INVS: variants seen among roughly 807,000 people sequenced by gnomAD.
The protein encoded by INVS is inversion of embryo turning homolog.
A neutral mutation model predicts 108.8 loss-of-function variants in INVS; 86 were observed. The ratio of observed to expected loss-of-function variants is 0.79; its 90% CI spans 0.66 to 0.95. INVS has a LOEUF of 0.95. Ranked by LOEUF, INVS falls within the 40% of genes least tolerant of loss-of-function variation. INVS has a pLI of 0.00. For synonymous variants in INVS, 455 were observed against 473.5 expected (o/e 0.96, Z 0.51); for missense variants, 1,169 against 1,297.4 (o/e 0.90, Z 1.52).
chr9:100,288,438 A>C (rs1833511945), intron 13 of INVS, among the ~76,000 whole-genome samples: 1 of 152,004 alleles, frequency 6.6e-6, no homozygotes, highest in African/African-American at 2.4e-5. Flanking sequence ...ATCTGATTGG[A>C]TTCATTTCAT....
intron 3 of INVS, among the ~76,000 whole-genome samples, chr9:100,148,738 A>G (rs1334883705): frequency 6.6e-6 from 1 of 152,214 alleles, no homozygotes; most frequent in African/African-American, 2.4e-5. Context: ...AAGAATATAT[A>G]TTGTAAATCA....
chr9:100,295,359 G>A (rs1481672575), intron 14 of INVS, among the ~76,000 whole-genome samples: 4 of 152,192 alleles, frequency 2.6e-5, no homozygotes, highest in Admixed American at 6.5e-5. Flanking sequence ...GTGCAATTCT[G>A]AGGCCCAAAG....
intron 11 of INVS, among the ~76,000 whole-genome samples, chr9:100,272,437 T>A (rs958557643): frequency 6.6e-6 from 1 of 152,214 alleles, no homozygotes; most frequent in Non-Finnish European, 1.5e-5. Context: ...ATACTGAATT[T>A]CTCCTTTTGG....
chr9:100,253,329 T>C (rs1832302829), intron 10 of INVS, among the ~76,000 whole-genome samples, 193 bp downstream of exon 10: 1 of 152,142 alleles, frequency 6.6e-6, no homozygotes, highest in Admixed American at 6.6e-5. Flanking sequence ...ATAGTTATAA[T>C]ATAGGCTGGG....
At chr9:100,293,829 C>T (rs1174993886) in intron 14 of INVS, among the ~76,000 whole-genome samples, 1 of 152,152 alleles carries the variant, frequency 6.6e-6, no homozygotes, top group African/African-American at 2.4e-5. Context: ...TTAGGCCTTA[C>T]AGTGATGAAT....
chr9:100,225,823 G>A (rs1274091201), intron 3 of INVS, among the ~76,000 whole-genome samples: 1 of 151,860 alleles, frequency 6.6e-6, no homozygotes, highest in African/African-American at 2.4e-5. Flanking sequence ...TGTTTTATTT[G>A]CAATAAAATA....
chr9:100,267,594 A>G (rs1275773192), intron 11 of INVS, among the ~76,000 whole-genome samples: 1 of 152,248 alleles, frequency 6.6e-6, no homozygotes, highest in Non-Finnish European at 1.5e-5. Flanking sequence ...ACGTATAGAC[A>G]TAATTTTTGC....
chr9:100,288,707 G>T (rs1044486289), intron 13 of INVS, among the ~76,000 whole-genome samples: 1 of 151,592 alleles, frequency 6.6e-6, no homozygotes. Context: ...TGCAACCTCT[G>T]CCTCCCAGGT....
rs1833964628 is a variant in INVS at position 100,301,335 on chromosome 9, C to T, written c.*661C>T. Among the ~76,000 whole-genome samples the T allele has an allele frequency of 6.6e-6, 1 of 152,204 alleles. No homozygotes were observed. Among genetic ancestry groups the T allele is most frequent in the Admixed American group, 6.5e-5 (1 of 15,274 alleles). Reference sequence around the variant, plus strand: ...TTCCTACGTTAGCCTCTCAAGGCCACAAGTTGCCGCCACGTCTTCACTGAA... The same window carrying T: ...TTCCTACGTTAGCCTCTCAAGGCCATAAGTTGCCGCCACGTCTTCACTGAA... On this transcript the variant is annotated 3_prime_UTR_variant, in exon 17 of 17. Coordinates refer to ENST00000262457, the MANE Select transcript of INVS (RefSeq NM_014425.5).
chr9:100,254,873 T>C (rs138224207), intron 10 of INVS, among the ~76,000 whole-genome samples: 1 of 152,242 alleles, frequency 6.6e-6, no homozygotes, highest in African/African-American at 2.4e-5. Context: ...TTTGTTCTTT[T>C]GGCTTAGGAT....
intron 2 of INVS, among the ~76,000 whole-genome samples, chr9:100,112,097 G>A (rs1186851029): frequency 2.0e-5 from 3 of 151,774 alleles, no homozygotes; most frequent in African/African-American, 2.4e-5. Context: ...TCAGCCTCCC[G>A]AGTACCTGGG....
Position 100,300,778 on chromosome 9 carries a change from G to T in INVS, c.*104G>T. 2.6e-6 allele frequency: 2 copies of T among 775,610 alleles called. No homozygotes were observed. The highest frequency in any genetic ancestry group is 2.6e-5 in the East Asian group (1 of 37,942). The allele number at this position is 775,610 out of a possible 1,614,324, so 48.0% of individuals were successfully genotyped here. On this transcript the variant is annotated 3_prime_UTR_variant, in exon 17 of 17. Transcript: ENST00000262457. ...ACACCTTGGGAAAACTTTAATATCC[G>T]TACCTGAAGGCTGATTCACCTAAAA...
rs374420212 is a variant in INVS at position 100,229,712 on chromosome 9, T to C, written c.500T>C (p.Leu167Pro). The change falls in exon 5 of 17, where the codon CTG becomes CCG. Residue 167 changes from leucine (L) to proline (P), a missense_variant. Around this residue, in one of 3 missense-constraint regions of INVS, gnomAD observed 365 missense variants for 397.5 expected, o/e 0.92. Transcript: ENST00000262457. ...TACAATAACCCTGAGCATGTGAAGC[T>C]GCTCATCAAGCATGATTCTAACATT... is the stretch of plus-strand genomic sequence containing the variant. Reference protein sequence around the residue: ...AYYNNPEHVKLLIKHDSNIGI... With the variant: ...AYYNNPEHVKPLIKHDSNIGI... 21 of 1,613,998 alleles carry C rather than the reference T, an allele frequency of 1.3e-5. No homozygotes were observed. Among genetic ancestry groups the C allele is most frequent in the Non-Finnish European group, 1.7e-5 (20 of 1,179,994 alleles).
chr9:100,233,972 A>G (rs1831597917), intron 5 of INVS, among the ~76,000 whole-genome samples: 1 of 152,194 alleles, frequency 6.6e-6, no homozygotes, highest in African/African-American at 2.4e-5. Context: ...TACCTCTGGT[A>G]GAATTTGGCT....
chr9:100,140,539 C>T (rs760270964), intron 3 of INVS, among the ~76,000 whole-genome samples: 6 of 152,086 alleles, frequency 3.9e-5, no homozygotes, highest in African/African-American at 9.7e-5. Flanking sequence ...TGGATGTGTA[C>T]GTGTAGGTCA....
chr9:100,291,070 A>AATT (rs1287251367), intron 13 of INVS, among the ~76,000 whole-genome samples: 1 of 140,102 alleles, frequency 7.1e-6, no homozygotes, highest in Non-Finnish European at 1.5e-5. Context: ...TTTTATTAAG[A>AATT]ATTTTTTTTT....
intron 4 of INVS, among the ~76,000 whole-genome samples, chr9:100,226,810 C>CAA (rs59853701): frequency 0.012 from 912 of 78,212 alleles, 24 homozygotes; most frequent in South Asian, 0.018. Flanking sequence ...GAGACTGTCT[C>CAA]AAAAAAAAAA....
chr9:100,103,160 A>G (rs184346039), intron 1 of INVS, among the ~76,000 whole-genome samples: 26 of 150,734 alleles, frequency 1.7e-4, no homozygotes, highest in African/African-American at 6.1e-4. Context: ...GCCTTAACTA[A>G]TTTTTTTATT....
chr9:100,205,646 G>T (rs1830651685), intron 3 of INVS, among the ~76,000 whole-genome samples: 1 of 151,596 alleles, frequency 6.6e-6, no homozygotes, highest in African/African-American at 2.4e-5. Flanking sequence ...TGAGCAATTT[G>T]TTTTATATTT....
Sources: allele counts gnomAD v4.1 joint callset (sites outside exome capture counted in the v4.1 genomes callset), GRCh38; gene constraint gnomAD v4.1.1; regional missense constraint gnomAD v4.1.1; transcripts MANE v1.5; gene names NCBI Gene and HGNC (gene_info 2026-07-23, HGNC 2026-07-21).